Variants in RIMS2 observed in about 807,000 individuals in gnomAD.
RIMS2 encodes the protein regulating synaptic membrane exocytosis protein 2.
A neutral mutation model predicts 174.4 loss-of-function variants in RIMS2; 59 were observed. The observed-to-expected ratio is 0.34, with a 90% CI of 0.27 to 0.42. The LOEUF (loss-of-function observed/expected upper bound fraction) is 0.42. Among genes scored for constraint, RIMS2 ranks in the 10% least tolerant of loss-of-function variants. The pLI, the probability that RIMS2 is intolerant of heterozygous loss-of-function variation, is 1.00. For missense variants in RIMS2, 1,620 were observed against 1,666.3 expected (o/e 0.97, Z 0.48); for synonymous variants, 606 against 572.5 (o/e 1.06, Z -0.84).
chr8:103,724,956 C>A (rs772741105), intron 2 of RIMS2, among the ~76,000 whole-genome samples: 3 of 152,078 alleles, frequency 2.0e-5, no homozygotes, highest in African/African-American at 7.2e-5. Context: ...GGGAGTGGAC[C>A]ACCCCGGCTA....
rs61194218 is a variant in RIMS2, at chr8:103,630,580, C to CAAAAAAA, written c.177-66491_177-66485dup. Reference sequence around the variant, plus strand: ...GGGCAACAAGAGCAAAACTCCATCTCAAAAAAAAAAAAAAAAAAAAAGAAA... The same window carrying CAAAAAAA: ...GGGCAACAAGAGCAAAACTCCATCTCAAAAAAAAAAAAAAAAAAAAAAAAAAAAGAAA... On this transcript the variant is annotated intron_variant, in intron 1 of 23. Coordinates refer to ENST00000504942, the Ensembl canonical transcript of RIMS2. Among the ~76,000 whole-genome samples, 26 of 86,968 alleles carry CAAAAAAA rather than the reference C, an allele frequency of 3.0e-4. 1 individual carries two copies. Among genetic ancestry groups the CAAAAAAA allele is most frequent in the East Asian group, 5.7e-4 (1 of 1,740 alleles). 57.1% of individuals were successfully genotyped at this position (86,968 alleles called of 152,430 possible).
chr8:103,946,403 A>G (rs915495081), intron 14 of RIMS2, among the ~76,000 whole-genome samples: 14 of 152,164 alleles, frequency 9.2e-5, no homozygotes, highest in Non-Finnish European at 1.5e-5. Flanking sequence ...GAAGCAGGAT[A>G]ATCGCTTGAA....
intron 1 of RIMS2, among the ~76,000 whole-genome samples, chr8:103,693,362 A>G (rs1459694757): frequency 6.6e-6 from 1 of 152,026 alleles, no homozygotes; most frequent in African/African-American, 2.4e-5. Flanking sequence ...TGCTCACTTG[A>G]TCTTTGGTCC....
Position 104,043,902 on chromosome 8 carries a change from A to C in RIMS2, c.3334+29287A>C, listed in dbSNP as rs11987499. Among the ~76,000 whole-genome samples the C allele has an allele frequency of 6.2e-3, 942 of 151,732 alleles. 11 individuals are homozygous for C. The highest frequency in any genetic ancestry group is 0.02 in the African/African-American group (847 of 41,496). ...GTGAAGGAAATTGCCTAGAATATAG[A>C]TGGTAGCAACAAGGAAGAATAATGC... On this transcript the variant is annotated intron_variant, in intron 19 of 23. Coordinates refer to ENST00000504942, the Ensembl canonical transcript of RIMS2.
rs112720274 is a variant in RIMS2 at position 103,909,990 on chromosome 8, C to CTATA, written c.1625-129_1625-126dup. 4.3e-3 allele frequency: 1,699 copies of CTATA among 394,774 alleles called. 4 individuals carry two copies. Among genetic ancestry groups the CTATA allele is most frequent in the Non-Finnish European group, 4.8e-3 (1,056 of 219,758 alleles). The allele number at this position is 394,774 out of a possible 1,614,324, so 24.5% of individuals were successfully genotyped here. A position where few individuals can be genotyped will look rare whatever the true frequency, so the allele number is the denominator to read the frequency against. On this transcript the variant is annotated intron_variant, in intron 4 of 23. Transcript: ENST00000504942. ...TCTTTTGGCATATATATAGCACTCA[C>CTATA]TATATATATATATATATAGTGAGTG...
intron 19 of RIMS2, among the ~76,000 whole-genome samples, chr8:104,079,387 C>T (rs1014033544): frequency 1.1e-4 from 17 of 151,584 alleles, no homozygotes; most frequent in African/African-American, 3.9e-4. Context: ...AAACATATGA[C>T]TTCATCTTTG....
intron 1 of RIMS2, among the ~76,000 whole-genome samples, chr8:103,574,311 C>T (rs1225004166): frequency 6.6e-6 from 1 of 152,094 alleles, no homozygotes; most frequent in Non-Finnish European, 1.5e-5. Context: ...AGTGCTTTTG[C>T]CATTCTTCTT....
At chr8:104,016,519 G>A (rs1433639364) in intron 19 of RIMS2, among the ~76,000 whole-genome samples, 1 of 151,922 alleles carries the variant, frequency 6.6e-6, no homozygotes, top group Non-Finnish European at 1.5e-5. Context: ...GTGACTGATG[G>A]TCTGTTATGC....
At chr8:104,151,785 G>A (rs1162118208) in intron 19 of RIMS2, among the ~76,000 whole-genome samples, 2 of 152,104 alleles carry the variant, frequency 1.3e-5, no homozygotes, top group African/African-American at 4.8e-5. Context: ...TCATGAACGT[G>A]GCTGAAATTG....
intron 1 of RIMS2, among the ~76,000 whole-genome samples, chr8:103,670,690 T>C (rs775278724): frequency 2.0e-5 from 3 of 152,222 alleles, no homozygotes; most frequent in Non-Finnish European, 4.4e-5. Flanking sequence ...GAGTCAGCTT[T>C]GCTCCACTTC....
intron 3 of RIMS2, among the ~76,000 whole-genome samples, chr8:103,798,915 C>CT (rs376864472): frequency 0.028 from 3,725 of 134,702 alleles, 57 homozygotes; most frequent in East Asian, 0.053. Context: ...AGGTAGAAAA[C>CT]TTTTTTTTTT....
intron 19 of RIMS2, among the ~76,000 whole-genome samples, chr8:104,095,788 T>G (rs1470091773): frequency 1.3e-5 from 2 of 152,170 alleles, no homozygotes; most frequent in Non-Finnish European, 2.9e-5. Context: ...TTTGCCTTAT[T>G]ATATCTAAGC....
chr8:103,716,683 T>A (rs2097371861), intron 2 of RIMS2, among the ~76,000 whole-genome samples: 1 of 152,148 alleles, frequency 6.6e-6, no homozygotes, highest in South Asian at 2.1e-4. Flanking sequence ...GGTTTTAAAA[T>A]CTTAACCTTC....
downstream of RIMS2, chr8:104,254,388 T>C (rs1240400249): frequency 6.6e-6 from 1 of 152,180 alleles, no homozygotes; most frequent in Non-Finnish European, 1.5e-5. Context: ...TTCATTCTGG[T>C]GATGGTATTT....
intron 19 of RIMS2, among the ~76,000 whole-genome samples, chr8:104,030,143 A>C (rs1344579464): frequency 2.6e-5 from 4 of 152,132 alleles, no homozygotes; most frequent in Admixed American, 1.3e-4. Flanking sequence ...CTAAAGGTAG[A>C]TAGGATACCA....
At chr8:103,747,507 T>C (rs2097837550) in intron 2 of RIMS2, among the ~76,000 whole-genome samples, 1 of 152,082 alleles carries the variant, frequency 6.6e-6, no homozygotes, top group Non-Finnish European at 1.5e-5. Flanking sequence ...TTTGTTGAGA[T>C]ACATTAGTGG....
At chr8:103,572,625 T>C (rs1053864662) in intron 1 of RIMS2, among the ~76,000 whole-genome samples, 65 of 152,128 alleles carry the variant, frequency 4.3e-4, no homozygotes, top group Admixed American at 4.1e-3. Flanking sequence ...TATCTCATTG[T>C]GGTTTTATTT....
intron 19 of RIMS2, among the ~76,000 whole-genome samples, chr8:104,058,926 A>C (rs948333378): frequency 9.9e-5 from 15 of 152,122 alleles, no homozygotes; most frequent in Non-Finnish European, 1.8e-4. Flanking sequence ...GCATTGGTCT[A>C]TATCTCTGTT....
chr8:103,989,287 T>G lies in RIMS2; in HGVS notation c.2928-18T>G. The G allele has an allele frequency of 7.2e-7, 1 of 1,380,862 alleles. No homozygotes were observed. 85.5% of individuals were successfully genotyped at this position (1,380,862 alleles called of 1,614,324 possible). On this transcript the variant is annotated intron_variant, in intron 16 of 23. Transcript: ENST00000504942. Reference sequence around the variant, plus strand: ...TCAAATGGTTTACTAAGATATTGAATAGATCTTGTTGTTTTAGTCGGAATG... The same window carrying G: ...TCAAATGGTTTACTAAGATATTGAAGAGATCTTGTTGTTTTAGTCGGAATG...
Sources: allele counts gnomAD v4.1 joint callset (sites outside exome capture counted in the v4.1 genomes callset), GRCh38; gene constraint gnomAD v4.1.1; transcripts MANE v1.5; gene names NCBI Gene and HGNC (gene_info 2026-07-23, HGNC 2026-07-21).